Variants in LGSN observed in about 807,000 individuals in gnomAD.
LGSN encodes the protein lengsin.
In LGSN, 21 loss-of-function variants were observed where a neutral mutation model predicts 19.5. That is an observed-to-expected ratio of 1.07 (90% CI 0.76 to 1.55). The LOEUF is 1.55. LGSN is among the 40% of genes most tolerant of loss of function. The pLI is 0.00. For missense variants in LGSN, 673 were observed against 608.5 expected, an observed-to-expected ratio of 1.11 and a Z score of -1.12; for synonymous variants, 257 against 215.6, an observed-to-expected ratio of 1.19 and a Z score of -1.68.
the LGSN span, among the ~76,000 whole-genome samples, chr6:63,511,178 G>A: frequency 2.0e-5 from 3 of 151,630 alleles, no homozygotes; most frequent in Non-Finnish European, 4.4e-5. Context: ...ATGATAAGAT[G>A]AGCCCAATGG....
the LGSN span, among the ~76,000 whole-genome samples, chr6:63,378,142 T>C: frequency 6.6e-6 from 1 of 151,868 alleles, no homozygotes; most frequent in Non-Finnish European, 1.5e-5. Context: ...ACCAAGGAAC[T>C]GAAAGAATTT....
chr6:63,493,728 C>T, the LGSN span, among the ~76,000 whole-genome samples: 1 of 152,120 alleles, frequency 6.6e-6, no homozygotes, highest in Non-Finnish European at 1.5e-5. Context: ...GCCTATTTGT[C>T]TGACACTTCT....
At chr6:63,541,872 CTA>C in the LGSN span, among the ~76,000 whole-genome samples, 1 of 152,164 alleles carries the variant, frequency 6.6e-6, no homozygotes, top group Admixed American at 6.5e-5. Flanking sequence ...TCCCTCTGTA[CTA>C]TGTCATTTCC....
the LGSN span, among the ~76,000 whole-genome samples, chr6:63,400,384 A>G: frequency 6.6e-6 from 1 of 152,186 alleles, no homozygotes; most frequent in African/African-American, 2.4e-5. Flanking sequence ...CAGAGATAGG[A>G]ATATAGCAGA....
chr6:63,304,701 T>C (rs1180249749), intron 1 of LGSN, among the ~76,000 whole-genome samples: 1 of 152,206 alleles, frequency 6.6e-6, no homozygotes, highest in Non-Finnish European at 1.5e-5. Context: ...CCAGTCACTA[T>C]AGTAGTCATT....
the LGSN span, among the ~76,000 whole-genome samples, chr6:63,442,037 T>C: frequency 1.3e-5 from 2 of 152,222 alleles, no homozygotes; most frequent in Non-Finnish European, 2.9e-5. Context: ...CTGGTGGGTT[T>C]GTGGTCTCAC....
At chr6:63,447,899 A>C in the LGSN span, among the ~76,000 whole-genome samples, 91 of 152,324 alleles carry the variant, frequency 6.0e-4, no homozygotes, top group African/African-American at 2.1e-3. Flanking sequence ...TCCATAACTC[A>C]AAGTAGGAAA....
At chr6:63,301,018 C>T (rs562018649) in intron 1 of LGSN, among the ~76,000 whole-genome samples, 7 of 152,232 alleles carry the variant, frequency 4.6e-5, no homozygotes, top group East Asian at 1.9e-4. Flanking sequence ...TAGCTGGCCA[C>T]GATGTCTCAT....
At chr6:63,560,215 G>A in the LGSN span, among the ~76,000 whole-genome samples, 1 of 151,512 alleles carries the variant, frequency 6.6e-6, no homozygotes, top group Non-Finnish European at 1.5e-5. Flanking sequence ...GCAAGCGCCT[G>A]TAATCCCAGC....
chr6:63,359,106 GT>G, the LGSN span, among the ~76,000 whole-genome samples: 343 of 151,824 alleles, frequency 2.3e-3, 2 homozygotes, highest in African/African-American at 7.9e-3. Flanking sequence ...GGTTTTTGTC[GT>G]TGGTTCTGTT....
the LGSN span, among the ~76,000 whole-genome samples, chr6:63,516,591 C>T: frequency 6.6e-6 from 1 of 152,186 alleles, no homozygotes; most frequent in South Asian, 2.1e-4. Flanking sequence ...GGCACTCAAA[C>T]ATGGCATACT....
the LGSN span, among the ~76,000 whole-genome samples, chr6:63,372,310 G>C: frequency 3.3e-5 from 5 of 152,186 alleles, no homozygotes; most frequent in Admixed American, 6.5e-5. Flanking sequence ...GTGTGAAACT[G>C]TTCAGTTAGG....
the LGSN span, among the ~76,000 whole-genome samples, chr6:63,440,184 C>G: frequency 2.0e-5 from 3 of 152,190 alleles, no homozygotes; most frequent in Non-Finnish European, 4.4e-5. Context: ...CCCTGGCTGC[C>G]TTCAAGCCTA....
chr6:63,327,871 C>A, the LGSN span, among the ~76,000 whole-genome samples: 1 of 152,110 alleles, frequency 6.6e-6, no homozygotes. Flanking sequence ...CTGTTCTCCC[C>A]TCTCCTTCCC....
the LGSN span, among the ~76,000 whole-genome samples, chr6:63,558,363 TAGA>T: frequency 6.6e-6 from 1 of 151,898 alleles, no homozygotes; most frequent in Admixed American, 6.6e-5. Context: ...AGTAAAAAAT[TAGA>T]AGGAGGGGGA....
At chr6:63,331,260 T>C in the LGSN span, among the ~76,000 whole-genome samples, 1 of 152,194 alleles carries the variant, frequency 6.6e-6, no homozygotes, top group Non-Finnish European at 1.5e-5. Flanking sequence ...TCTCCCTCAA[T>C]GAAAAGAAAG....
At chr6:63,439,109 A>G in the LGSN span, among the ~76,000 whole-genome samples, 2 of 152,156 alleles carry the variant, frequency 1.3e-5, no homozygotes, top group South Asian at 4.1e-4. Context: ...CAAGAACAAA[A>G]AACCAAACAC....
chr6:63,564,105 T>C, the LGSN span, among the ~76,000 whole-genome samples: 1 of 151,992 alleles, frequency 6.6e-6, no homozygotes, highest in East Asian at 1.9e-4. Flanking sequence ...AGAAACCCCA[T>C]CTCTACTAAA....
chr6:63,326,143 G>A, the LGSN span, among the ~76,000 whole-genome samples: 1 of 152,108 alleles, frequency 6.6e-6, no homozygotes, highest in Non-Finnish European at 1.5e-5. Context: ...GATACAGAGT[G>A]TCGATTGGTG....
Sources: gnomAD v4.1 joint callset for allele counts (sites outside exome capture counted in the v4.1 genomes callset) on GRCh38, gnomAD v4.1.1 for gene constraint, MANE v1.5 for transcripts, NCBI Gene and HGNC (gene_info 2026-07-23, HGNC 2026-07-21) for gene names.